Variants in RMST observed in about 807,000 individuals in gnomAD.
RMST encodes the protein long intergenic non-protein coding RNA 54.
At chr12:97,562,241 C>T (rs895319154) in intron 13 of RMST, among the ~76,000 whole-genome samples, 2 of 152,192 alleles carry the variant, frequency 1.3e-5, no homozygotes, top group African/African-American at 4.8e-5. Context: ...GCAAGGCTGC[C>T]TTCCCATGTA....
intron 10 of RMST, among the ~76,000 whole-genome samples, chr12:97,510,810 C>T (rs981269141): frequency 3.9e-5 from 6 of 152,136 alleles, no homozygotes; most frequent in Admixed American, 1.3e-4. Context: ...TCTATTTTGA[C>T]CCATTCCCAC....
At chr12:97,535,841 T>C (rs1882033689) in intron 11 of RMST, among the ~76,000 whole-genome samples, 1 of 151,662 alleles carries the variant, frequency 6.6e-6, no homozygotes, top group Admixed American at 6.6e-5. Flanking sequence ...CTTTGAGTAA[T>C]ACACTGGGTC....
At chr12:97,517,098 C>A (rs898785085) in intron 10 of RMST, among the ~76,000 whole-genome samples, 1 of 151,882 alleles carries the variant, frequency 6.6e-6, no homozygotes, top group African/African-American at 2.4e-5. Flanking sequence ...AAACTCTCCT[C>A]TTATCAGATG....
At chr12:97,480,288 C>T (rs754288715) in intron 5 of RMST, among the ~76,000 whole-genome samples, 2 of 151,972 alleles carry the variant, frequency 1.3e-5, no homozygotes, top group African/African-American at 2.4e-5. Context: ...GACGGGGTTT[C>T]ACCGTGTTAG....
At chr12:97,541,168 A>G (rs1441303215) in intron 11 of RMST, 1 of 151,662 alleles carries the variant, frequency 6.6e-6, no homozygotes, top group East Asian at 1.9e-4. Context: ...ATAGCTCAAA[A>G]ATAACTCTAT....
intron 13 of RMST, among the ~76,000 whole-genome samples, chr12:97,561,895 A>G (rs1434518460): frequency 6.6e-6 from 1 of 152,116 alleles, no homozygotes; most frequent in African/African-American, 2.4e-5. Flanking sequence ...TCAATCTGTT[A>G]ATCAATAATA....
intron 10 of RMST, among the ~76,000 whole-genome samples, chr12:97,518,145 T>C (rs1880133182): frequency 6.6e-6 from 1 of 152,126 alleles, no homozygotes; most frequent in Non-Finnish European, 1.5e-5. Context: ...AGAGCACTTT[T>C]TAAAAGTTTT....
intron 5 of RMST, among the ~76,000 whole-genome samples, chr12:97,474,033 A>G (rs10860216): frequency 0.16 from 24,504 of 152,106 alleles, 2,041 homozygotes; most frequent in African/African-American, 0.21. Flanking sequence ...GGCTAAAAAA[A>G]TACACATTCC....
chr12:97,553,947 C>G (rs1445448170), intron 11 of RMST, among the ~76,000 whole-genome samples: 1 of 139,884 alleles, frequency 7.1e-6, no homozygotes, highest in Admixed American at 7.1e-5. Context: ...TCTTTTCTTT[C>G]TCTTTTTTTT....
At chr12:97,550,579 C>T (rs919577631) in intron 11 of RMST, among the ~76,000 whole-genome samples, 1 of 152,116 alleles carries the variant, frequency 6.6e-6, no homozygotes, top group Admixed American at 6.6e-5. Flanking sequence ...ATAAAATATT[C>T]ATAGATTCCT....
At chr12:97,476,291 TCTA>T (rs1874542313) in intron 5 of RMST, among the ~76,000 whole-genome samples, 1 of 152,198 alleles carries the variant, frequency 6.6e-6, no homozygotes, top group Non-Finnish European at 1.5e-5. Context: ...AAAGTTTCAT[TCTA>T]CTGTGGCTTC....
chr12:97,507,302 G>A (rs1232248177), intron 10 of RMST, among the ~76,000 whole-genome samples: 1 of 145,830 alleles, frequency 6.9e-6, no homozygotes, highest in African/African-American at 2.6e-5. Flanking sequence ...AAAAAAAGAT[G>A]GCTAACTCTG....
At chr12:97,468,273 C>T (rs979413763) in intron 5 of RMST, among the ~76,000 whole-genome samples, 8 of 151,944 alleles carry the variant, frequency 5.3e-5, no homozygotes, top group Non-Finnish European at 1.2e-4. Context: ...CAATCTAGGA[C>T]TCACTAATAA....
intron 11 of RMST, among the ~76,000 whole-genome samples, chr12:97,553,310 A>T (rs1355302641): frequency 6.6e-6 from 1 of 152,246 alleles, no homozygotes. Flanking sequence ...TTGCAGCCCC[A>T]GCTGAGAAGA....
chr12:97,506,078 T>C (rs1266241109), intron 10 of RMST, among the ~76,000 whole-genome samples: 1 of 152,226 alleles, frequency 6.6e-6, no homozygotes, highest in Non-Finnish European at 1.5e-5. Flanking sequence ...TAAGTACATG[T>C]AATGATACAT....
chr12:97,532,645 G>A (rs1030166822), intron 11 of RMST: 1 of 98,376 alleles, frequency 1.0e-5, no homozygotes, highest in Admixed American at 1.2e-4. Context: ...CTGATGTCCC[G>A]TTTTTTTTTT....
chr12:97,544,253 C>T (rs1300960278), intron 11 of RMST, among the ~76,000 whole-genome samples: 1 of 152,002 alleles, frequency 6.6e-6, no homozygotes, highest in Admixed American at 6.6e-5. Context: ...CTTACTAAAA[C>T]GTATTGTGAT....
At chr12:97,490,496 A>C (rs1006101200) in intron 5 of RMST, among the ~76,000 whole-genome samples, 1 of 152,210 alleles carries the variant, frequency 6.6e-6, no homozygotes, top group Non-Finnish European at 1.5e-5. Flanking sequence ...TTGGGGGATT[A>C]AATGAGTTTC....
intron 10 of RMST, among the ~76,000 whole-genome samples, chr12:97,499,630 T>TC (rs1277010797): frequency 6.6e-6 from 1 of 150,566 alleles, no homozygotes; most frequent in Admixed American, 6.6e-5. Context: ...TTTTCTTTTT[T>TC]TTTCTTTTTC....
Sources: gnomAD v4.1 joint callset for allele counts (sites outside exome capture counted in the v4.1 genomes callset) on GRCh38, gnomAD v4.1.1 for gene constraint, MANE v1.5 for transcripts, NCBI Gene and HGNC (gene_info 2026-07-23, HGNC 2026-07-21) for gene names.